The following NTNG1 variants were observed in gnomAD, a reference collection of about 807,000 sequenced individuals.
NTNG1 encodes the protein netrin G1, also known as netrin-G1.
In NTNG1, 16 loss-of-function variants were observed where a neutral mutation model predicts 54.0. The observed-to-expected ratio is 0.30, with a 90% CI of 0.20 to 0.45. The LOEUF (loss-of-function observed/expected upper bound fraction) is 0.45. Ranked by LOEUF, NTNG1 falls within the 20% of genes least tolerant of loss-of-function variation. The pLI is 1.00. For synonymous variants in NTNG1, 255 were observed against 263.1 expected (o/e 0.97, Z 0.30); for missense variants, 530 against 678.7 (o/e 0.78, Z 2.43).
chr1:107,267,949 C>A (rs556706315), intron 2 of NTNG1, among the ~76,000 whole-genome samples: 1 of 152,236 alleles, frequency 6.6e-6, no homozygotes, highest in African/African-American at 2.4e-5. Flanking sequence ...CTCTGCCCTT[C>A]TTTCCCATAC....
chr1:107,218,704 A>C (rs1399889120), intron 2 of NTNG1, among the ~76,000 whole-genome samples: 1 of 152,108 alleles, frequency 6.6e-6, no homozygotes, highest in South Asian at 2.1e-4. Flanking sequence ...TCTTTCCTTC[A>C]TTTATGAGGC....
intron 1 of NTNG1, chr1:107,143,193 G>A (rs1184713264): frequency 6.6e-6 from 1 of 152,058 alleles, no homozygotes; most frequent in African/African-American, 2.4e-5. Context: ...TGGAATTTAA[G>A]ACGGATAATC....
chr1:107,349,413 A>T (rs142173659), intron 3 of NTNG1, among the ~76,000 whole-genome samples: 1 of 152,142 alleles, frequency 6.6e-6, no homozygotes, highest in Non-Finnish European at 1.5e-5. Context: ...TGAAACATAC[A>T]AAGAATGTAT....
At chr1:107,209,839 A>C (rs1659482853) in intron 2 of NTNG1, among the ~76,000 whole-genome samples, 1 of 152,146 alleles carries the variant, frequency 6.6e-6, no homozygotes, top group Admixed American at 6.5e-5. Context: ...TCCCTAGATC[A>C]GGCCATGCCT....
chr1:107,208,723 C>T (rs1461960222), intron 2 of NTNG1, among the ~76,000 whole-genome samples: 1 of 152,152 alleles, frequency 6.6e-6, no homozygotes, highest in Non-Finnish European at 1.5e-5. Flanking sequence ...GTATCCCCTA[C>T]TCTCCCTTCC....
chr1:107,448,458 G>C (rs749412061), intron 7 of NTNG1, among the ~76,000 whole-genome samples: 1 of 152,006 alleles, frequency 6.6e-6, no homozygotes, highest in Non-Finnish European at 1.5e-5. Flanking sequence ...ATCCCTCAAT[G>C]GGTATGATCA....
At chr1:107,348,853 T>A (rs1027522205) in intron 3 of NTNG1, among the ~76,000 whole-genome samples, 9 of 152,212 alleles carry the variant, frequency 5.9e-5, no homozygotes, top group African/African-American at 2.2e-4. Flanking sequence ...TATACTGTTC[T>A]CTGTGCTTTT....
intron 1 of NTNG1, among the ~76,000 whole-genome samples, chr1:107,142,117 G>T (rs1653774659): frequency 6.6e-6 from 1 of 152,022 alleles, no homozygotes; most frequent in African/African-American, 2.4e-5. Context: ...CATATTAATC[G>T]GTTGATGGAT....
chr1:107,359,415 T>C (rs1184134674), intron 3 of NTNG1, among the ~76,000 whole-genome samples: 1 of 152,080 alleles, frequency 6.6e-6, no homozygotes, highest in Non-Finnish European at 1.5e-5. Context: ...AGAGAATGGC[T>C]TAAGAGAAGC....
At chr1:107,286,297 C>A (rs1313666956) in intron 2 of NTNG1, among the ~76,000 whole-genome samples, 5 of 152,078 alleles carry the variant, frequency 3.3e-5, no homozygotes, top group African/African-American at 1.2e-4. Context: ...ATCTGAGGCC[C>A]TCTTTCATAT....
At chr1:107,179,078 G>T (rs941352839) in intron 2 of NTNG1, among the ~76,000 whole-genome samples, 7 of 152,182 alleles carry the variant, frequency 4.6e-5, no homozygotes, top group African/African-American at 1.7e-4. Flanking sequence ...TCCCCACAAA[G>T]AGAAGACCCA....
At chr1:107,449,170 A>G (rs186787090) in intron 7 of NTNG1, among the ~76,000 whole-genome samples, 33 of 152,160 alleles carry the variant, frequency 2.2e-4, no homozygotes, top group Non-Finnish European at 4.6e-4. Flanking sequence ...CCTTTGTGTC[A>G]TTGGTTTTAT....
At chr1:107,351,230 A>G (rs948740326) in intron 3 of NTNG1, among the ~76,000 whole-genome samples, 2 of 152,182 alleles carry the variant, frequency 1.3e-5, no homozygotes, top group Non-Finnish European at 1.5e-5. Context: ...GCCACTCACA[A>G]TAAAGTCCAT....
At chr1:107,402,214 G>A (rs1471929153) in intron 4 of NTNG1, among the ~76,000 whole-genome samples, 3 of 152,174 alleles carry the variant, frequency 2.0e-5, no homozygotes, top group Non-Finnish European at 4.4e-5. Flanking sequence ...ATAATCAGGA[G>A]GTTGCTTGGT....
At chr1:107,408,852 T>C (rs1019583792) in intron 5 of NTNG1, 2 of 152,112 alleles carry the variant, frequency 1.3e-5, no homozygotes, top group Non-Finnish European at 2.9e-5. Context: ...CCAGCATCCA[T>C]CTAAAAAGCA....
At chr1:107,251,110 C>T (rs1056354917) in intron 2 of NTNG1, among the ~76,000 whole-genome samples, 8 of 152,162 alleles carry the variant, frequency 5.3e-5, no homozygotes, top group Non-Finnish European at 1.0e-4. Context: ...TTCCAAATCA[C>T]TGGGAAAAGA....
chr1:107,216,343 G>C (rs574724114), intron 2 of NTNG1, among the ~76,000 whole-genome samples: 13 of 152,256 alleles, frequency 8.5e-5, no homozygotes, highest in African/African-American at 3.1e-4. Context: ...TTTGCTAAGG[G>C]TTTTAATCAT....
chr1:107,296,645 ATAT>A lies in NTNG1; in HGVS notation c.247-27632_247-27630del, dbSNP rs570523584. Among the ~76,000 whole-genome samples, 1,156 of 147,972 alleles carry A rather than the reference ATAT, an allele frequency of 7.8e-3. 12 individuals are homozygous for A. The highest frequency in any genetic ancestry group is 0.024 in the African/African-American group (987 of 40,800). On this transcript the variant is annotated intron_variant, in intron 2 of 7. Coordinates refer to ENST00000370068, the MANE Select transcript of NTNG1 (RefSeq NM_001113226.3). ...TTATTTCTATGAATATATGAAATATATATTATTTACATTTATATATAACATATA... is the reference window on the plus strand; with the variant it reads ...TTATTTCTATGAATATATGAAATATATATTTACATTTATATATAACATATA...
chr1:107,163,920 C>G (rs1038044815), intron 2 of NTNG1, among the ~76,000 whole-genome samples: 2 of 152,140 alleles, frequency 1.3e-5, no homozygotes, highest in African/African-American at 2.4e-5. Context: ...AATGGAAATG[C>G]TAGGTTCTAA....
Sources: allele counts gnomAD v4.1 joint callset (sites outside exome capture counted in the v4.1 genomes callset), GRCh38; gene constraint gnomAD v4.1.1; transcripts MANE v1.5; gene names NCBI Gene and HGNC (gene_info 2026-07-23, HGNC 2026-07-21).